The following WNT7B variants were observed in gnomAD, a reference collection of about 807,000 sequenced individuals.
WNT7B encodes Wnt family member 7B.
Under a neutral mutation model 38.2 loss-of-function variants are expected in WNT7B, and 19 were observed. That is an observed-to-expected ratio of 0.50 (90% CI 0.35 to 0.73). The LOEUF is 0.73. Ranked by LOEUF, WNT7B falls within the 30% of genes least tolerant of loss-of-function variation. The pLI is 0.01. For missense variants in WNT7B, 423 were observed against 507.9 expected (o/e 0.83, Z 1.61); for synonymous variants, 243 against 209.3 (o/e 1.16, Z -1.39).
At chr22:45,930,968 C>G (rs929483458) in intron 3 of WNT7B, 130 bp downstream of exon 3, 2 of 1,289,466 alleles carry the variant, frequency 1.6e-6, no homozygotes, top group East Asian at 2.6e-5. Flanking sequence ...AGGACCCAGA[C>G]GGCCCCACCC....
rs1416879792 is a variant in WNT7B, at chr22:45,923,165, C to T, written c.741G>A (p.Arg247=). Residue 247 remains arginine (R), a synonymous_variant, in exon 4 of 4, where the codon CGG becomes CGA. Coordinates refer to ENST00000339464, the MANE Select transcript of WNT7B (RefSeq NM_058238.3). ...GTTTGATGCGCAGGAAGGTGGGCTG[C>T]CGCAGACGGCTGGCCCGCACCACCT... ...QVEVVRASRL[R]QPTFLRIKQL... is the part of the protein sequence containing the mutation. 3 of 1,613,470 alleles carry T rather than the reference C, an allele frequency of 1.9e-6. No homozygotes were observed. Among genetic ancestry groups the T allele is most frequent in the Non-Finnish European group, 2.5e-6 (3 of 1,180,008 alleles).
chr22:45,935,928 G>T, intron 2 of WNT7B: 1 of 985,352 alleles, frequency 1.0e-6, no homozygotes. Flanking sequence ...CAGCTGTCCT[G>T]CTGGTACACT....
At chr22:45,928,612 C>T (rs56398559) in intron 3 of WNT7B, among the ~76,000 whole-genome samples, 34,954 of 139,538 alleles carry the variant, frequency 0.25, 4,252 homozygotes, top group Admixed American at 0.35. Context: ...CATCACCAGC[C>T]GCCTTGTTTT....
At position 45,976,701 on chromosome 22, in the gene WNT7B, G is replaced by T; in HGVS notation, c.54C>A (p.Val18=). 1 of 1,609,892 alleles carries T rather than the reference G, an allele frequency of 6.2e-7. No homozygotes were observed. Among genetic ancestry groups the T allele is most frequent in the Non-Finnish European group, 8.5e-7 (1 of 1,177,684 alleles). The change falls in exon 1 of 4, where the codon GTC becomes GTA. Residue 18 remains valine, a synonymous_variant. Transcript: ENST00000339464. The surrounding 1 kb of genome is among the most constrained non-coding windows in gnomAD (Gnocchi z 8.5). ...GTACTCACCCGAGCTTCACGTACAG[G>T]ACGCCAAAGCAGAGAAACACGTAGA... ...WIFYVFLCFG[V]LYVKLGALSS...
chr22:45,927,253 C>G (rs1931113964), intron 3 of WNT7B: 10 of 985,446 alleles, frequency 1.0e-5, no homozygotes, highest in Non-Finnish European at 1.2e-5. Flanking sequence ...GCTGCTCTGA[C>G]AGTTTTCCGC....
chr22:45,938,597 C>G (rs533805600), intron 2 of WNT7B, among the ~76,000 whole-genome samples: 40 of 151,826 alleles, frequency 2.6e-4, no homozygotes, highest in Non-Finnish European at 5.1e-4. Context: ...AAGATCTCAC[C>G]ACTGCACTCC....
intron 2 of WNT7B, among the ~76,000 whole-genome samples, chr22:45,945,191 C>G (rs1931765533): frequency 6.6e-6 from 1 of 152,126 alleles, no homozygotes. Flanking sequence ...TCAAGTGATT[C>G]TCCTGCCTCA....
chr22:45,968,969 G>A (rs1023513191), intron 1 of WNT7B, among the ~76,000 whole-genome samples: 5 of 152,208 alleles, frequency 3.3e-5, no homozygotes, highest in Non-Finnish European at 4.4e-5. Context: ...CTGGATAGAC[G>A]CAGACCCTCC....
At chr22:45,923,467 C>G (rs2146701868) in intron 3 of WNT7B, 132 bp from the exon 4 acceptor site, 5 of 1,324,786 alleles carry the variant, frequency 3.8e-6, no homozygotes, top group South Asian at 3.0e-5. Context: ...AGGTGAGTGT[C>G]TCTCCCTCTC....
intron 2 of WNT7B, among the ~76,000 whole-genome samples, chr22:45,933,202 T>A (rs914357415): frequency 6.6e-6 from 1 of 152,112 alleles, no homozygotes; most frequent in Non-Finnish European, 1.5e-5. Flanking sequence ...CCCGGGAACT[T>A]CCTTCCTGAG....
Position 45,951,166 on chromosome 22 carries a change from A to G in WNT7B, c.72-1020T>C, listed in dbSNP as rs1931924190. ...GATCTCAGCTCACTGCAACCTCCAC[A>G]TTCCGGGTTCAAGCCATCCTTTTGC... is the stretch of plus-strand genomic sequence containing the variant. On this transcript the variant is annotated intron_variant, in intron 1 of 3. Transcript: ENST00000339464. This position sits in a 1 kb window ranked among gnomAD's most constrained non-coding sequence, Gnocchi z 4.8. Among the ~76,000 whole-genome samples, 1 of 152,124 alleles carries G rather than the reference A, an allele frequency of 6.6e-6. No homozygotes were observed. The highest frequency in any genetic ancestry group is 1.5e-5 in the Non-Finnish European group (1 of 68,016).
chr22:45,954,199 G>A (rs935344736), intron 1 of WNT7B, among the ~76,000 whole-genome samples: 3 of 151,214 alleles, frequency 2.0e-5, no homozygotes, highest in Non-Finnish European at 4.4e-5. Context: ...TGAAACGTCC[G>A]GAATAGGCAA....
Position 45,925,649 on chromosome 22 carries a change from C to A in WNT7B, c.571-2314G>T, listed in dbSNP as rs1390768331. 5.1e-6 allele frequency: 5 copies of A among 985,286 alleles called. No homozygotes were observed. In the African/African-American group the frequency reaches 8.7e-5, roughly 17 times the overall value. The allele number at this position is 985,286 out of a possible 1,614,324, so 61.0% of individuals were successfully genotyped here. A position where few individuals can be genotyped will look rare whatever the true frequency, so the allele number is the denominator to read the frequency against. ...TGGGATCTGTCCCCTCCTGGAAAAG[C>A]CCTTCCCTCCACTAACCTGCCCTTC... is the stretch of plus-strand genomic sequence containing the variant. On this transcript the variant is annotated intron_variant, in intron 3 of 3. Coordinates refer to ENST00000339464, the MANE Select transcript of WNT7B (RefSeq NM_058238.3).
intron 1 of WNT7B, among the ~76,000 whole-genome samples, chr22:45,969,758 G>A (rs968806327): frequency 1.3e-5 from 2 of 152,246 alleles, no homozygotes; most frequent in African/African-American, 2.4e-5. Flanking sequence ...AGGATCAGCT[G>A]TCAGCCAGCG....
intron 1 of WNT7B, 101 bp from the exon 2 acceptor site, chr22:45,950,247 G>T: frequency 1.0e-6 from 1 of 1,004,412 alleles, no homozygotes; most frequent in Non-Finnish European, 1.5e-6. Context: ...CACAGGCCCT[G>T]CACTAGCTCC....
rs1354393985 is a variant in WNT7B at position 45,921,564 on chromosome 22, C to G, written c.*1292G>C. ...TCTGGGCCTCAGAGTTCCCATCTGT[C>G]AAGTGGGACAAACATCCCTGACCAC... On this transcript the variant is annotated 3_prime_UTR_variant, in exon 4 of 4. Transcript: ENST00000339464. 6.6e-6 allele frequency: 1 copy of G among 152,212 alleles called. No homozygotes were observed. The highest frequency in any genetic ancestry group is 1.5e-5 in the Non-Finnish European group (1 of 68,050). 9.4% of individuals were successfully genotyped at this position (152,212 alleles called of 1,614,324 possible). A position where few individuals can be genotyped will look rare whatever the true frequency, so the allele number is the denominator to read the frequency against.
At chr22:45,943,089 G>T (rs79345475) in intron 2 of WNT7B, among the ~76,000 whole-genome samples, 4,066 of 151,838 alleles carry the variant, frequency 0.027, 191 homozygotes, top group African/African-American at 0.093. Flanking sequence ...ACGTGTGTGC[G>T]TGTGTTTGTG....
chr22:45,938,551 C>T (rs554096724), intron 2 of WNT7B, among the ~76,000 whole-genome samples: 18 of 152,022 alleles, frequency 1.2e-4, no homozygotes, highest in African/African-American at 4.1e-4. Context: ...GCAGGAGAAT[C>T]GCTTGAACCT....
Position 45,942,234 on chromosome 22 carries a change from C to T in WNT7B, c.298+7686G>A, listed in dbSNP as rs184577345. On this transcript the variant is annotated intron_variant, in intron 2 of 3. Coordinates refer to ENST00000339464, the MANE Select transcript of WNT7B (RefSeq NM_058238.3). ...TGGCACCCGTGTCCAGGCTGGGGGT[C>T]TCGGTCTAGACAGGACTCAAAGTGG... is the stretch of plus-strand genomic sequence containing the variant. 1.3e-3 allele frequency among the ~76,000 whole-genome samples: 201 copies of T among 152,334 alleles called. 2 individuals are homozygous for T. Among genetic ancestry groups the T allele is most frequent in the Non-Finnish European group, 1.9e-3 (126 of 68,032 alleles).
Sources: allele counts gnomAD v4.1 joint callset (sites outside exome capture counted in the v4.1 genomes callset), GRCh38; gene constraint gnomAD v4.1.1; non-coding constraint Gnocchi (gnomAD v3.1); transcripts MANE v1.5; gene names NCBI Gene and HGNC (gene_info 2026-07-23, HGNC 2026-07-21).